Variants in ANGPT1 observed in about 807,000 individuals in gnomAD.
ANGPT1 encodes angiopoietin 1.
In ANGPT1, 17 loss-of-function variants were observed where a neutral mutation model predicts 62.2. The observed-to-expected ratio is 0.27, with a 90% CI of 0.19 to 0.41. The LOEUF (loss-of-function observed/expected upper bound fraction) is 0.41, where lower values mean the gene tolerates loss of function less well. Ranked by LOEUF, ANGPT1 falls within the 10% of genes least tolerant of loss-of-function variation. The pLI is 1.00. For missense variants in ANGPT1, 478 were observed against 594.9 expected, an observed-to-expected ratio of 0.80 and a Z score of 2.04; for synonymous variants, 199 against 198.9, an observed-to-expected ratio of 1.00 and a Z score of 0.00.
chr8:107,358,759 A>T (rs944527699), intron 1 of ANGPT1, among the ~76,000 whole-genome samples: 15 of 152,302 alleles, frequency 9.8e-5, no homozygotes, highest in African/African-American at 3.6e-4. Flanking sequence ...TAACTGAAAG[A>T]AGCCTGGGCT....
At chr8:107,409,965 CCA>C (rs1817231040) in intron 1 of ANGPT1, among the ~76,000 whole-genome samples, 1 of 151,936 alleles carries the variant, frequency 6.6e-6, no homozygotes, top group African/African-American at 2.4e-5. Context: ...ATCCATCCAT[CCA>C]TCCATCCATC....
intron 1 of ANGPT1, among the ~76,000 whole-genome samples, chr8:107,476,777 A>C (rs1812543417): frequency 6.6e-6 from 1 of 152,128 alleles, no homozygotes; most frequent in Admixed American, 6.6e-5. Flanking sequence ...TTTAGTACGT[A>C]TTGCCTGAGC....
intron 1 of ANGPT1, among the ~76,000 whole-genome samples, chr8:107,397,368 G>A (rs958375310): frequency 6.6e-6 from 1 of 152,120 alleles, no homozygotes; most frequent in Non-Finnish European, 1.5e-5. Context: ...AAAGCCAGAT[G>A]CTTTTGACTC....
At chr8:107,394,558 G>A (rs1176181346) in intron 1 of ANGPT1, among the ~76,000 whole-genome samples, 2 of 152,114 alleles carry the variant, frequency 1.3e-5, no homozygotes, top group African/African-American at 2.4e-5. Context: ...AGGAGACTAA[G>A]CTTAAGAGAT....
intron 3 of ANGPT1, among the ~76,000 whole-genome samples, chr8:107,326,690 T>C (rs753092944): frequency 3.3e-5 from 5 of 152,146 alleles, no homozygotes; most frequent in Non-Finnish European, 5.9e-5. Context: ...ATCTTATTCT[T>C]GTAACACACC....
At chr8:107,410,414 C>G (rs942693514) in intron 1 of ANGPT1, among the ~76,000 whole-genome samples, 1 of 152,168 alleles carries the variant, frequency 6.6e-6, no homozygotes, top group African/African-American at 2.4e-5. Flanking sequence ...TTCTTCTACA[C>G]AGGCCAACAT....
chr8:107,321,763 A>C, intron 4 of ANGPT1, 133 bp downstream of exon 4: 1 of 671,120 alleles, frequency 1.5e-6, no homozygotes, highest in Non-Finnish European at 2.4e-6. Context: ...AACTTCATAA[A>C]TGATTCTAAC....
intron 4 of ANGPT1, among the ~76,000 whole-genome samples, chr8:107,305,011 T>C (rs1201479961): frequency 1.3e-5 from 2 of 152,006 alleles, no homozygotes; most frequent in Non-Finnish European, 2.9e-5. Flanking sequence ...TTAATGACAC[T>C]GAGGATGTCA....
chr8:107,285,427 A>G (rs1020287516), intron 6 of ANGPT1, among the ~76,000 whole-genome samples: 2 of 152,034 alleles, frequency 1.3e-5, no homozygotes, highest in Non-Finnish European at 2.9e-5. Flanking sequence ...TGACTTTTGG[A>G]GCTTTAACTT....
In ANGPT1 at chr8:107,284,894, C is replaced by A. The variant is rs28471992; in HGVS notation, c.1039-46G>T. 2.8e-3 allele frequency: 3,800 copies of A among 1,360,834 alleles called. 89 individuals are homozygous for A. In the African/African-American group the frequency reaches 0.045, roughly 16 times the overall value. 84.3% of individuals were successfully genotyped at this position (1,360,834 alleles called of 1,614,324 possible). A position where few individuals can be genotyped will look rare whatever the true frequency, so the allele number is the denominator to read the frequency against. On this transcript the variant is annotated intron_variant, in intron 6 of 8. Transcript: ENST00000517746. ...GCAGTTGTTACTTTAGAGAGGAATT[C>A]TTTTCATGTTCAGCATTTAACTATT... is the stretch of plus-strand genomic sequence containing the variant.
At chr8:107,314,851 T>G (rs766434091) in intron 4 of ANGPT1, among the ~76,000 whole-genome samples, 2 of 152,340 alleles carry the variant, frequency 1.3e-5, no homozygotes, top group African/African-American at 2.4e-5. Flanking sequence ...TTTATATGAC[T>G]GACATTCAAA....
At chr8:107,398,824 T>C (rs1180469175) in intron 1 of ANGPT1, among the ~76,000 whole-genome samples, 2 of 152,152 alleles carry the variant, frequency 1.3e-5, no homozygotes, top group Non-Finnish European at 1.5e-5. Context: ...GCTATTTCTC[T>C]AGGAATGGGA....
intron 1 of ANGPT1, among the ~76,000 whole-genome samples, chr8:107,438,497 C>G (rs1195619239): frequency 6.6e-6 from 1 of 151,944 alleles, no homozygotes; most frequent in Non-Finnish European, 1.5e-5. Flanking sequence ...AAATATGTTC[C>G]TAGTAGAAAG....
chr8:107,492,081 A>G (rs1021189296), intron 1 of ANGPT1, among the ~76,000 whole-genome samples: 1 of 152,170 alleles, frequency 6.6e-6, no homozygotes, highest in Non-Finnish European at 1.5e-5. Context: ...CTAAAATGTA[A>G]CAAGCAACCA....
At chr8:107,473,159 C>T (rs773445159) in intron 1 of ANGPT1, among the ~76,000 whole-genome samples, 3 of 151,996 alleles carry the variant, frequency 2.0e-5, no homozygotes, top group African/African-American at 7.2e-5. Flanking sequence ...GCTTAAATAT[C>T]CACATGGTTG....
intron 1 of ANGPT1, among the ~76,000 whole-genome samples, chr8:107,442,383 A>G (rs1475249666): frequency 6.6e-6 from 1 of 152,152 alleles, no homozygotes; most frequent in Non-Finnish European, 1.5e-5. Flanking sequence ...TTATGTTACC[A>G]TCTAATCTAG....
chr8:107,315,636 C>T (rs1050563433), intron 4 of ANGPT1, among the ~76,000 whole-genome samples: 6 of 152,072 alleles, frequency 3.9e-5, no homozygotes, highest in African/African-American at 9.6e-5. Flanking sequence ...ATTTTTCTTT[C>T]GGTCTCTTTT....
chr8:107,295,412 C>T (rs979393820), intron 5 of ANGPT1: 8 of 152,098 alleles, frequency 5.3e-5, no homozygotes, highest in Admixed American at 2.0e-4. Context: ...AATTCTACTT[C>T]ATTTATTCAT....
chr8:107,345,288 T>C (rs541962638), intron 2 of ANGPT1, among the ~76,000 whole-genome samples: 11 of 152,342 alleles, frequency 7.2e-5, no homozygotes, highest in Non-Finnish European at 1.5e-4. Context: ...TTCTTTTTCA[T>C]TGAATTTTCT....
Sources: allele counts gnomAD v4.1 joint callset (sites outside exome capture counted in the v4.1 genomes callset), GRCh38; gene constraint gnomAD v4.1.1; transcripts MANE v1.5; gene names NCBI Gene and HGNC (gene_info 2026-07-23, HGNC 2026-07-21).